The following FGFR2 variants were observed in gnomAD, a reference collection of about 807,000 sequenced individuals.
FGFR2 encodes the protein fibroblast growth factor receptor 2.
In FGFR2, 19 loss-of-function variants were observed where a neutral mutation model predicts 95.9. The observed-to-expected ratio is 0.20, with a 90% CI of 0.14 to 0.29. FGFR2 has a LOEUF of 0.29. Ranked by LOEUF, FGFR2 falls within the 10% of genes least tolerant of loss-of-function variation. FGFR2 has a pLI of 1.00. For missense variants in FGFR2, 707 were observed against 1,056.9 expected (o/e 0.67, Z 4.59); for synonymous variants, 392 against 393.3 (o/e 1.00, Z 0.04).
chr10:121,499,523 G>A (rs144577556), intron 11 of FGFR2, among the ~76,000 whole-genome samples: 242 of 152,376 alleles, frequency 1.6e-3, no homozygotes, highest in African/African-American at 5.2e-3. Flanking sequence ...GAAAGGACAC[G>A]CCACAATGGC....
intron 2 of FGFR2, among the ~76,000 whole-genome samples, chr10:121,567,835 G>C (rs1857929872): frequency 6.6e-6 from 1 of 151,832 alleles, no homozygotes; most frequent in Admixed American, 6.6e-5. Context: ...CATTGCAACA[G>C]AAACCCTGTG....
At position 121,551,331 on chromosome 10, in the gene FGFR2, C is replaced by T. The variant is rs1474313509; in HGVS notation, c.583G>A (p.Gly195Arg). 6 of 1,614,240 alleles carry T rather than the reference C, an allele frequency of 3.7e-6. No individual in the cohort carries two copies. Among genetic ancestry groups the T allele is most frequent in the Non-Finnish European group, 2.5e-6 (3 of 1,180,042 alleles). Residue 195 changes from glycine (G) to arginine (R), a missense_variant, in exon 5 of 18, where the codon GGG becomes AGG. Gly to Arg is a moderately radical substitution (Grantham distance 125). Around this residue, in one of 7 missense-constraint regions of FGFR2, gnomAD observed 139 missense variants for 278.1 expected, o/e 0.50. Coordinates refer to ENST00000358487, the MANE Select transcript of FGFR2 (RefSeq NM_000141.5). ...PMPTMRWLKN[G>R]KEFKQEHRIG... ...CGATGCTCCTGCTTAAACTCCTTCC[C>T]GTTTTTCAGCCACCGCATGGTTGGC...
rs57061338 is a variant in FGFR2, at chr10:121,548,245, C to CTTTTTTTTTTT, written c.624+3034_624+3044dup. 2.6e-3 allele frequency among the ~76,000 whole-genome samples: 122 copies of CTTTTTTTTTTT among 46,698 alleles called. 12 individuals carry two copies. The highest frequency in any genetic ancestry group is 6.4e-3 in the East Asian group (6 of 934). 30.6% of individuals were successfully genotyped at this position (46,698 alleles called of 152,430 possible). On this transcript the variant is annotated intron_variant, in intron 5 of 17. Coordinates refer to ENST00000358487, the MANE Select transcript of FGFR2 (RefSeq NM_000141.5). ...TGTGTGGCCCTCTGCCGCTTTTGGC[C>CTTTTTTTTTTT]TTTTTTTTTTTTTTTTTTTTTTTTT... is the stretch of plus-strand genomic sequence containing the variant.
chr10:121,587,731 G>A (rs1015982315), intron 2 of FGFR2, among the ~76,000 whole-genome samples: 4 of 152,116 alleles, frequency 2.6e-5, no homozygotes, highest in Admixed American at 6.5e-5. Context: ...TTAATAAAAC[G>A]TCAAAAAATA....
At chr10:121,498,685 G>A (rs900129062) in intron 11 of FGFR2, 80 bp from the exon 12 acceptor site, 10 of 1,136,654 alleles carry the variant, frequency 8.8e-6, no homozygotes, top group Non-Finnish European at 1.3e-5. Flanking sequence ...CAAAGACTTA[G>A]TTGAAACAGC....
At chr10:121,482,186 A>C (rs1185624326) in intron 17 of FGFR2, 1 of 1,611,790 alleles carries the variant, frequency 6.2e-7, no homozygotes, top group South Asian at 1.1e-5. Flanking sequence ...ATCTGATAGG[A>C]AAAAAACAGG....
At chr10:121,483,925 C>T in intron 16 of FGFR2, 122 bp from the exon 17 acceptor site, 1 of 736,458 alleles carries the variant, frequency 1.4e-6, no homozygotes, top group Non-Finnish European at 2.4e-6. Flanking sequence ...ACCTTCCAAG[C>T]AACTAGATTA....
At chr10:121,499,290 A>G (rs1272351836) in intron 11 of FGFR2, among the ~76,000 whole-genome samples, 2 of 152,128 alleles carry the variant, frequency 1.3e-5, no homozygotes, top group African/African-American at 4.8e-5. Flanking sequence ...AGACTTTCCC[A>G]TGTGCCCTCC....
Position 121,556,136 on chromosome 10 carries a change from G to A in FGFR2, c.455-4677C>T, listed in dbSNP as rs576535814. Among the ~76,000 whole-genome samples the A allele has an allele frequency of 1.1e-4, 16 of 150,358 alleles. No homozygotes were observed. In the South Asian group the frequency reaches 2.1e-3, roughly 20 times the overall value. On this transcript the variant is annotated intron_variant, in intron 4 of 17. Coordinates refer to ENST00000358487, the MANE Select transcript of FGFR2 (RefSeq NM_000141.5). ...TGGATGGATGGATGGATGGACGGAC[G>A]GATGGATGGACGGATGGATGACTAT...
Position 121,495,710 on chromosome 10 carries a change from G to C in FGFR2, c.1863+822C>G, listed in dbSNP as rs373058807. ...ACCCAGACCCCCAGTGACAGAGGGT[G>C]CACGCCGACCAGAGGATCTCACCTC... On this transcript the variant is annotated intron_variant, in intron 13 of 17. Transcript: ENST00000358487. 1.6e-3 allele frequency among the ~76,000 whole-genome samples: 245 copies of C among 152,262 alleles called. 1 individual carries two copies. Among genetic ancestry groups the C allele is most frequent in the African/African-American group, 5.2e-3 (215 of 41,556 alleles).
At chr10:121,512,666 A>T (rs879359226) in intron 9 of FGFR2, among the ~76,000 whole-genome samples, 113 of 152,048 alleles carry the variant, frequency 7.4e-4, no homozygotes, top group Admixed American at 6.2e-3. Flanking sequence ...TGGAGCTAGG[A>T]TTACAGGCAT....
chr10:121,480,044 T>A (rs2133687181), intron 17 of FGFR2, 23 bp from the exon 18 acceptor site: 1 of 1,603,636 alleles, frequency 6.2e-7, no homozygotes, highest in African/African-American at 1.3e-5. Flanking sequence ...AAGAGAGACG[T>A]TTTATTTCAT....
Position 121,526,245 on chromosome 10 carries a change from G to GA in FGFR2, c.749-6077dup, listed in dbSNP as rs537165318. On this transcript the variant is annotated intron_variant, in intron 6 of 17. Transcript: ENST00000358487. The stretch of plus-strand genomic sequence containing the variant: ...ATTTGGAGGACAAGTGAAAACAACT[G>GA]AGAATTCTTTTTCTAAAGCCTGCCT... 218 of 398,600 alleles carry GA rather than the reference G, an allele frequency of 5.5e-4. 1 individual carries two copies. The highest frequency in any genetic ancestry group is 4.4e-3 in the African/African-American group (213 of 48,748). 24.7% of individuals were successfully genotyped at this position (398,600 alleles called of 1,614,324 possible).
At chr10:121,532,726 C>G (rs1357547344) in intron 6 of FGFR2, among the ~76,000 whole-genome samples, 1 of 152,164 alleles carries the variant, frequency 6.6e-6, no homozygotes, top group Non-Finnish European at 1.5e-5. Context: ...GGATGGGCTG[C>G]CAAAAGCTCC....
At chr10:121,566,087 C>G (rs757368285) in intron 2 of FGFR2, among the ~76,000 whole-genome samples, 1 of 152,228 alleles carries the variant, frequency 6.6e-6, no homozygotes, top group Non-Finnish European at 1.5e-5. Context: ...GAGTTTTACA[C>G]ATTTGTACGT....
intron 6 of FGFR2, among the ~76,000 whole-genome samples, chr10:121,521,073 T>C (rs1850474925): frequency 6.6e-6 from 1 of 152,262 alleles, no homozygotes. Flanking sequence ...TGGAATTCAC[T>C]CCATTCATTC....
At chr10:121,487,476 C>T in intron 14 of FGFR2, 52 bp from the exon 15 acceptor site, 1 of 1,463,098 alleles carries the variant, frequency 6.8e-7, no homozygotes. Flanking sequence ...AAGAATTTAT[C>T]TTAGCAGGCT....
chr10:121,595,802 A>T lies in FGFR2; in HGVS notation c.-150-1835T>A, dbSNP rs1863353851. Among the ~76,000 whole-genome samples the T allele has an allele frequency of 3.9e-5, 6 of 152,174 alleles. No individual in the cohort carries two copies. The South Asian group carries it at 1.2e-3, about 31-fold the overall frequency. On this transcript the variant is annotated intron_variant, in intron 1 of 17. Coordinates refer to ENST00000358487, the MANE Select transcript of FGFR2 (RefSeq NM_000141.5). Reference sequence around the variant, plus strand: ...TGCCCAGAGGAGCCTCCTTGGCTCCAGGCAGAGAAAGGTGGACAGGGCGCT... The same window carrying T: ...TGCCCAGAGGAGCCTCCTTGGCTCCTGGCAGAGAAAGGTGGACAGGGCGCT...
intron 4 of FGFR2, among the ~76,000 whole-genome samples, chr10:121,563,487 T>C (rs1857252536): frequency 1.3e-5 from 2 of 152,164 alleles, no homozygotes; most frequent in African/African-American, 4.8e-5. Context: ...GAATATACCA[T>C]GTAAGCAGAG....
Sources: allele counts gnomAD v4.1 joint callset (sites outside exome capture counted in the v4.1 genomes callset), GRCh38; gene constraint gnomAD v4.1.1; regional missense constraint gnomAD v4.1.1; transcripts MANE v1.5; gene names NCBI Gene and HGNC (gene_info 2026-07-23, HGNC 2026-07-21).